The following ROBO2 variants were observed in gnomAD, a reference collection of about 807,000 sequenced individuals.
The protein encoded by ROBO2 is roundabout homolog 2.
ROBO2 carries 53 observed loss-of-function variants against 160.8 expected under a neutral mutation model. The observed-to-expected ratio is 0.33, with a 90% CI of 0.26 to 0.41. The LOEUF (loss-of-function observed/expected upper bound fraction) is 0.41, where lower values mean the gene tolerates loss of function less well. Among genes scored for constraint, ROBO2 ranks in the 10% least tolerant of loss-of-function variants. The pLI is 1.00. For missense variants in ROBO2, 1,577 were observed against 1,722.4 expected (o/e 0.92, Z 1.49); for synonymous variants, 664 against 611.7 (o/e 1.09, Z -1.26).
rs368834547 is a variant in ROBO2, at chr3:76,699,742, G to A, written c.110-398272G>A. 1.4e-4 allele frequency among the ~76,000 whole-genome samples: 21 copies of A among 152,236 alleles called. No homozygotes were observed. In the East Asian group the frequency reaches 1.7e-3, roughly 13 times the overall value. ...GCCTTGTAAAAGCGAGTCTTTGCAA[G>A]GTTATGTTTATCATTTCCTAATGTG... On this transcript the variant is annotated intron_variant, in intron 2 of 26. Coordinates refer to the ROBO2 transcript ENST00000487694.
chr3:76,062,852 G>A (rs928689791), intron 2 of ROBO2, among the ~76,000 whole-genome samples: 1 of 152,172 alleles, frequency 6.6e-6, no homozygotes, highest in Non-Finnish European at 1.5e-5. Context: ...TGGTGAGAAA[G>A]CAGAGAAAGC....
At chr3:76,792,367 G>C (rs1219812874) in intron 2 of ROBO2, among the ~76,000 whole-genome samples, 1 of 151,648 alleles carries the variant, frequency 6.6e-6, no homozygotes, top group Non-Finnish European at 1.5e-5. Context: ...CCTAATTTTG[G>C]TATCCTCGGG....
chr3:77,445,005 C>A (rs762928697), intron 2 of ROBO2, among the ~76,000 whole-genome samples: 1 of 152,104 alleles, frequency 6.6e-6, no homozygotes, highest in Non-Finnish European at 1.5e-5. Context: ...CTTGAAATGG[C>A]GTATGGCTCT....
At chr3:76,730,064 A>G (rs897948390) in intron 2 of ROBO2, among the ~76,000 whole-genome samples, 1 of 152,086 alleles carries the variant, frequency 6.6e-6, no homozygotes, top group East Asian at 1.9e-4. Flanking sequence ...GTTTGTCTTC[A>G]CCATCTATTA....
chr3:76,428,125 T>C (rs182695885), intron 2 of ROBO2, among the ~76,000 whole-genome samples: 1 of 152,316 alleles, frequency 6.6e-6, no homozygotes, highest in East Asian at 1.9e-4. Flanking sequence ...TCTGCTTCAG[T>C]AGTCTGTCTG....
At chr3:76,081,877 A>C (rs992442955) in intron 2 of ROBO2, among the ~76,000 whole-genome samples, 2 of 152,034 alleles carry the variant, frequency 1.3e-5, no homozygotes, top group African/African-American at 4.8e-5. Context: ...AAACTGAAAG[A>C]AAAGATAAAG....
At chr3:77,121,111 A>G in intron 2 of ROBO2, among the ~76,000 whole-genome samples, 1 of 151,966 alleles carries the variant, frequency 6.6e-6, no homozygotes, top group East Asian at 1.9e-4. Context: ...TGCGAGGCTA[A>G]TTTTTGTATT....
intron 2 of ROBO2, among the ~76,000 whole-genome samples, chr3:76,421,820 G>A (rs1476054296): frequency 6.6e-6 from 1 of 152,100 alleles, no homozygotes; most frequent in Non-Finnish European, 1.5e-5. Context: ...AGCCCTGAAA[G>A]AAATTTTTGG....
intron 2 of ROBO2, among the ~76,000 whole-genome samples, chr3:76,770,184 G>T (rs1273272521): frequency 6.6e-6 from 1 of 151,332 alleles, no homozygotes; most frequent in Non-Finnish European, 1.5e-5. Context: ...CAAAATATTT[G>T]CAGATTTTGT....
At chr3:76,192,792 A>G (rs1012741040) in intron 2 of ROBO2, among the ~76,000 whole-genome samples, 8 of 152,026 alleles carry the variant, frequency 5.3e-5, no homozygotes, top group Non-Finnish European at 7.4e-5. Context: ...AAATAATACA[A>G]TCTGTCTATT....
At chr3:77,377,897 C>G (rs780443651) in intron 2 of ROBO2, among the ~76,000 whole-genome samples, 3 of 152,126 alleles carry the variant, frequency 2.0e-5, no homozygotes, top group Non-Finnish European at 4.4e-5. Flanking sequence ...CAGAGCAGTT[C>G]AGAACTAATC....
intron 2 of ROBO2, among the ~76,000 whole-genome samples, chr3:75,964,259 A>C (rs1311911910): frequency 1.3e-5 from 2 of 151,830 alleles, no homozygotes; most frequent in Non-Finnish European, 2.9e-5. Flanking sequence ...CTGCATTAGA[A>C]TATTTTTGCA....
chr3:76,290,743 T>A (rs1708761092), intron 2 of ROBO2, among the ~76,000 whole-genome samples: 1 of 152,122 alleles, frequency 6.6e-6, no homozygotes, highest in Admixed American at 6.6e-5. Flanking sequence ...GATGCTGAAT[T>A]TTATTGAAAG....
intron 5 of ROBO2, among the ~76,000 whole-genome samples, chr3:77,520,734 A>T (rs796599643): frequency 6.6e-6 from 1 of 151,304 alleles, no homozygotes; most frequent in Non-Finnish European, 1.5e-5. Context: ...TGCAAAATAC[A>T]GTATTTAAAT....
intron 2 of ROBO2, among the ~76,000 whole-genome samples, chr3:76,588,891 T>C (rs2086232438): frequency 6.6e-6 from 1 of 152,232 alleles, no homozygotes; most frequent in African/African-American, 2.4e-5. Flanking sequence ...GTTTCAAATA[T>C]ATCAGCATAA....
intron 2 of ROBO2, among the ~76,000 whole-genome samples, chr3:77,221,673 C>G (rs1348033586): frequency 6.6e-6 from 1 of 151,988 alleles, no homozygotes; most frequent in Non-Finnish European, 1.5e-5. Context: ...CATCCATTCA[C>G]CAGTTCACCA....
intron 4 of ROBO2, among the ~76,000 whole-genome samples, chr3:77,487,536 C>G (rs535704696): frequency 5.9e-5 from 9 of 152,246 alleles, no homozygotes; most frequent in Admixed American, 2.0e-4. Flanking sequence ...TTCAGACAGC[C>G]TGATCATTAT....
chr3:75,922,517 T>G (rs1947105352), intron 1 of ROBO2, among the ~76,000 whole-genome samples: 1 of 151,992 alleles, frequency 6.6e-6, no homozygotes, highest in South Asian at 2.1e-4. Context: ...TATGAGTAGT[T>G]CCAACAAATC....
At chr3:76,748,135 C>A (rs1044741039) in intron 2 of ROBO2, among the ~76,000 whole-genome samples, 4 of 151,874 alleles carry the variant, frequency 2.6e-5, no homozygotes, top group African/African-American at 9.7e-5. Context: ...CAGCCTATAC[C>A]TTTCAATCCA....
Sources: gnomAD v4.1 joint callset for allele counts (sites outside exome capture counted in the v4.1 genomes callset) on GRCh38, gnomAD v4.1.1 for gene constraint, MANE v1.5 for transcripts, NCBI Gene and HGNC (gene_info 2026-07-23, HGNC 2026-07-21) for gene names.